GRIK1: variants seen among roughly 807,000 people sequenced by gnomAD.
The protein encoded by GRIK1 is glutamate receptor ionotropic, kainate 1.
In GRIK1, 69 loss-of-function variants were observed where a neutral mutation model predicts 105.7. The observed-to-expected ratio is 0.65, with a 90% CI of 0.54 to 0.80. The LOEUF (loss-of-function observed/expected upper bound fraction) is 0.80, where lower values mean the gene tolerates loss of function less well. Ranked by LOEUF, GRIK1 falls within the 30% of genes least tolerant of loss-of-function variation. The pLI is 0.00. For synonymous variants in GRIK1, 438 were observed against 431.3 expected (o/e 1.02, Z -0.19); for missense variants, 1,109 against 1,167.3 (o/e 0.95, Z 0.73).
intron 4 of GRIK1, among the ~76,000 whole-genome samples, chr21:29,656,289 G>A (rs1376005231): frequency 4.1e-5 from 6 of 146,022 alleles, no homozygotes; most frequent in Non-Finnish European, 8.9e-5. Context: ...GTGAACCCGG[G>A]GGCGGAGCTT....
intron 13 of GRIK1, among the ~76,000 whole-genome samples, chr21:29,579,686 T>A (rs2090973103): frequency 6.6e-6 from 1 of 152,116 alleles, no homozygotes; most frequent in African/African-American, 2.4e-5. Flanking sequence ...AGTTTGTATC[T>A]GGAAAGATTT....
chr21:29,620,549 C>A (rs1018648423), intron 7 of GRIK1, among the ~76,000 whole-genome samples: 1 of 151,738 alleles, frequency 6.6e-6, no homozygotes, highest in Admixed American at 6.6e-5. Context: ...CCAGAGAGAT[C>A]GTCACCTATT....
At chr21:29,886,901 G>A (rs891975184) in intron 1 of GRIK1, among the ~76,000 whole-genome samples, 6 of 152,116 alleles carry the variant, frequency 3.9e-5, no homozygotes, top group Non-Finnish European at 7.4e-5. Context: ...TCCACACATA[G>A]GTAGCTGGAA....
intron 12 of GRIK1, among the ~76,000 whole-genome samples, chr21:29,582,669 C>T (rs918957092): frequency 2.0e-5 from 3 of 152,084 alleles, no homozygotes; most frequent in Admixed American, 6.6e-5. Flanking sequence ...GACTATCTTG[C>T]CAAGTGGTAC....
At chr21:29,697,826 T>C (rs1247931157) in intron 1 of GRIK1, among the ~76,000 whole-genome samples, 1 of 152,142 alleles carries the variant, frequency 6.6e-6, no homozygotes, top group East Asian at 1.9e-4. Context: ...CATAATTTCC[T>C]CCTTCGGTCT....
intron 1 of GRIK1, among the ~76,000 whole-genome samples, chr21:29,853,113 C>T (rs2300328): frequency 0.075 from 11,376 of 152,264 alleles, 446 homozygotes; most frequent in African/African-American, 0.11. Flanking sequence ...CACTTTTCTT[C>T]ATTCTCTACT....
Position 29,693,979 on chromosome 21 carries a change from T to G in GRIK1, c.203A>C (p.Asn68Thr). The change falls in exon 2 of 18, where the codon AAC becomes ACC. Residue 68 changes from asparagine to threonine, a missense_variant. Physicochemically the swap from Asn to Thr is moderately conservative, Grantham distance 65. Around this residue, in one of 5 missense-constraint regions of GRIK1, gnomAD observed 612 missense variants for 586.0 expected, o/e 1.04. Transcript: ENST00000327783. The part of the protein sequence containing the change: ...FKFAVTSINR[N>T]RTLMPNTTLT... ...TGTGGTGTTAGGCATCAGGGTTCGG[T>G]TTCTGTTAATGCTGGTGACTGCAAA... 6.2e-7 allele frequency: 1 copy of G among 1,611,582 alleles called. No homozygotes were observed. Among genetic ancestry groups the G allele is most frequent in the Non-Finnish European group, 8.5e-7 (1 of 1,177,626 alleles).
chr21:29,939,738 T>A lies in GRIK1; in HGVS notation c.-238A>T, dbSNP rs1302948022. The A allele has an allele frequency of 1.0e-5, 4 of 391,056 alleles. No homozygotes were observed. The highest frequency in any genetic ancestry group is 1.8e-5 in the Non-Finnish European group (4 of 220,498). The allele number at this position is 391,056 out of a possible 1,614,324, so 24.2% of individuals were successfully genotyped here. A position where few individuals can be genotyped will look rare whatever the true frequency, so the allele number is the denominator to read the frequency against. ...GCTAGCCCATCACGGCTCCTCCTCCTCCTCTTCCATGGGCCGCAGACCGCG... is the reference window on the plus strand; with the variant it reads ...GCTAGCCCATCACGGCTCCTCCTCCACCTCTTCCATGGGCCGCAGACCGCG... On this transcript the variant is annotated 5_prime_UTR_variant, in exon 1 of 18. Coordinates refer to ENST00000327783, the MANE Select transcript of GRIK1 (RefSeq NM_001330994.2).
At chr21:29,561,517 T>C (rs1225843210) in intron 15 of GRIK1, 107 bp downstream of exon 15, 1 of 692,020 alleles carries the variant, frequency 1.4e-6, no homozygotes, top group African/African-American at 1.8e-5. Context: ...ACTAATGGCA[T>C]TGTAGGCCTT....
intron 12 of GRIK1, chr21:29,582,494 A>C (rs555536878): frequency 7.2e-6 from 2 of 279,536 alleles, no homozygotes; most frequent in African/African-American, 4.5e-5. Context: ...CTATTGCCTC[A>C]ATTTCCTTAT....
chr21:29,909,326 C>G (rs1437316644), intron 1 of GRIK1, among the ~76,000 whole-genome samples: 2 of 151,960 alleles, frequency 1.3e-5, no homozygotes, highest in Non-Finnish European at 2.9e-5. Flanking sequence ...AATATTTAAT[C>G]AAATTATTGG....
At chr21:29,772,234 A>G (rs2065831624) in intron 1 of GRIK1, among the ~76,000 whole-genome samples, 1 of 152,186 alleles carries the variant, frequency 6.6e-6, no homozygotes, top group Non-Finnish European at 1.5e-5. Flanking sequence ...AAATCAACTG[A>G]ATACAATTTT....
At chr21:29,623,297 C>A (rs566138195) in intron 7 of GRIK1, among the ~76,000 whole-genome samples, 140 of 152,238 alleles carry the variant, frequency 9.2e-4, no homozygotes, top group Non-Finnish European at 1.2e-3. Context: ...GAAAGACCCA[C>A]CCTCATGATT....
At chr21:29,553,647 A>G (rs376408260) in intron 16 of GRIK1, 7 of 1,609,780 alleles carry the variant, frequency 4.3e-6, no homozygotes, top group Non-Finnish European at 3.4e-6. Context: ...GTAGTTCCAG[A>G]AGTGGAGTTG....
chr21:29,896,341 T>C (rs892675995), intron 1 of GRIK1, among the ~76,000 whole-genome samples: 1 of 152,206 alleles, frequency 6.6e-6, no homozygotes, highest in Non-Finnish European at 1.5e-5. Context: ...CTGCAATATT[T>C]TCCTTCTCTG....
At chr21:29,663,658 G>T (rs1223694729) in intron 4 of GRIK1, among the ~76,000 whole-genome samples, 10 of 152,112 alleles carry the variant, frequency 6.6e-5, no homozygotes, top group Admixed American at 6.5e-5. Context: ...GGCTAAAAGG[G>T]TATATTAGAC....
Position 29,577,393 on chromosome 21 carries a change from A to C in GRIK1, c.1913-212T>G, listed in dbSNP as rs577800514. Among the ~76,000 whole-genome samples the C allele has an allele frequency of 8.5e-5, 13 of 152,350 alleles. No individual in the cohort carries two copies. The South Asian group carries it at 2.7e-3, about 32-fold the overall frequency. On this transcript the variant is annotated intron_variant, in intron 13 of 17. Transcript: ENST00000327783. ...ACTATTGCTTTAACTATAATTTATC[A>C]GTAGCTGATGGTATTAAAACAGTTT... is the stretch of plus-strand genomic sequence containing the variant.
At chr21:29,869,762 A>G (rs922032725) in intron 1 of GRIK1, among the ~76,000 whole-genome samples, 23 of 152,220 alleles carry the variant, frequency 1.5e-4, no homozygotes, top group African/African-American at 5.3e-4. Flanking sequence ...ACTCATATCC[A>G]TTGTAGGAAA....
chr21:29,766,936 G>A (rs1439746658), intron 1 of GRIK1, among the ~76,000 whole-genome samples: 1 of 152,174 alleles, frequency 6.6e-6, no homozygotes, highest in African/African-American at 2.4e-5. Context: ...TTATGGGATT[G>A]TTTCCCAAAG....
Sources: allele counts gnomAD v4.1 joint callset (sites outside exome capture counted in the v4.1 genomes callset), GRCh38; gene constraint gnomAD v4.1.1; regional missense constraint gnomAD v4.1.1; transcripts MANE v1.5; gene names NCBI Gene and HGNC (gene_info 2026-07-23, HGNC 2026-07-21).